Variants in TAFA1 observed in about 807,000 individuals in gnomAD.
The protein encoded by TAFA1 is TAFA chemokine like family member 1, also known as chemokine-like protein TAFA-1.
A neutral mutation model predicts 18.5 loss-of-function variants in TAFA1; 4 were observed. That is an observed-to-expected ratio of 0.22 (90% confidence interval 0.11 to 0.49). TAFA1 has a LOEUF of 0.49. TAFA1 is among the 20% of genes least tolerant of loss of function. TAFA1 has a pLI of 0.98. For synonymous variants in TAFA1, 56 were observed against 55.2 expected (o/e 1.01, Z -0.06); for missense variants, 147 against 169.0 (o/e 0.87, Z 0.72).
intron 2 of TAFA1, among the ~76,000 whole-genome samples, chr3:68,333,923 A>T (rs890892779): frequency 2.6e-5 from 4 of 152,322 alleles, no homozygotes; most frequent in African/African-American, 7.2e-5. Flanking sequence ...ATATTGTGTG[A>T]TTTCACTTAC....
chr3:68,046,128 T>A (rs1327836486), intron 2 of TAFA1, among the ~76,000 whole-genome samples: 1 of 152,210 alleles, frequency 6.6e-6, no homozygotes, highest in East Asian at 1.9e-4. Flanking sequence ...TACTTACTTT[T>A]GCAACTGCAG....
intron 2 of TAFA1, among the ~76,000 whole-genome samples, chr3:68,120,959 A>G (rs1305678077): frequency 6.6e-6 from 1 of 152,212 alleles, no homozygotes; most frequent in Non-Finnish European, 1.5e-5. Context: ...AAGACCATTT[A>G]AGAACTTCAT....
chr3:68,369,441 C>G (rs2069636567), intron 2 of TAFA1, among the ~76,000 whole-genome samples: 1 of 152,124 alleles, frequency 6.6e-6, no homozygotes, highest in African/African-American at 2.4e-5. Context: ...GCAAAGAAAT[C>G]AGGCCTACAA....
chr3:68,191,993 T>A (rs1477978581), intron 2 of TAFA1, among the ~76,000 whole-genome samples: 1 of 151,850 alleles, frequency 6.6e-6, no homozygotes, highest in East Asian at 1.9e-4. Context: ...GATCTCTTTC[T>A]ATATTCTTGG....
chr3:68,515,413 T>G (rs1175434499), intron 3 of TAFA1, among the ~76,000 whole-genome samples: 1 of 152,270 alleles, frequency 6.6e-6, no homozygotes, highest in African/African-American at 2.4e-5. Context: ...AGATGGATGA[T>G]CTGATTGGAC....
At chr3:68,142,529 T>G (rs1331482319) in intron 2 of TAFA1, among the ~76,000 whole-genome samples, 1 of 152,184 alleles carries the variant, frequency 6.6e-6, no homozygotes, top group Non-Finnish European at 1.5e-5. Flanking sequence ...GTGGGAAGCC[T>G]TTCTCCAGGT....
At chr3:68,087,308 T>C (rs890024522) in intron 2 of TAFA1, among the ~76,000 whole-genome samples, 1 of 152,184 alleles carries the variant, frequency 6.6e-6, no homozygotes, top group African/African-American at 2.4e-5. Context: ...AGATAATTAC[T>C]ATCAATATTT....
intron 2 of TAFA1, among the ~76,000 whole-genome samples, chr3:68,263,435 C>CCACACACACACACACACA (rs1273459888): frequency 6.9e-5 from 6 of 86,586 alleles, no homozygotes; most frequent in African/African-American, 2.3e-4. Context: ...GATACTTTAA[C>CCACACACACACACACACA]CACACACACA....
chr3:68,117,105 T>C (rs1286672717), intron 2 of TAFA1, among the ~76,000 whole-genome samples: 1 of 152,212 alleles, frequency 6.6e-6, no homozygotes, highest in Admixed American at 6.5e-5. Flanking sequence ...TTTGCGCAAA[T>C]AAGTTTCTTT....
chr3:68,540,992 T>G (rs1025646096), intron 4 of TAFA1, among the ~76,000 whole-genome samples: 1 of 152,092 alleles, frequency 6.6e-6, no homozygotes, highest in African/African-American at 2.4e-5. Context: ...CCTCCCTGGG[T>G]GGGCTGAATT....
chr3:68,172,023 A>G (rs566874770), intron 2 of TAFA1, among the ~76,000 whole-genome samples: 1 of 152,266 alleles, frequency 6.6e-6, no homozygotes, highest in Non-Finnish European at 1.5e-5. Context: ...GAAGAGAGAG[A>G]AAGGGGAAGA....
intron 2 of TAFA1, among the ~76,000 whole-genome samples, chr3:68,303,337 G>A (rs1259603195): frequency 2.0e-5 from 3 of 152,148 alleles, no homozygotes; most frequent in Non-Finnish European, 2.9e-5. Context: ...CAAAGGAGGA[G>A]CTTTTGGTTG....
chr3:68,182,714 A>T (rs1575665517), intron 2 of TAFA1, among the ~76,000 whole-genome samples: 1 of 152,186 alleles, frequency 6.6e-6, no homozygotes, highest in Non-Finnish European at 1.5e-5. Context: ...ACAGCCCTTA[A>T]GTCATTTCTG....
At chr3:68,104,361 A>G (rs1353860604) in intron 2 of TAFA1, among the ~76,000 whole-genome samples, 1 of 152,088 alleles carries the variant, frequency 6.6e-6, no homozygotes, top group Non-Finnish European at 1.5e-5. Flanking sequence ...TTAAATGTGG[A>G]AAATATATGT....
At chr3:68,535,047 T>C (rs2073254339) in intron 3 of TAFA1, among the ~76,000 whole-genome samples, 1 of 152,182 alleles carries the variant, frequency 6.6e-6, no homozygotes, top group Admixed American at 6.6e-5. Context: ...TGGTTTAGAT[T>C]CAGGGCAACA....
At chr3:68,405,888 C>A (rs552221233) in intron 2 of TAFA1, among the ~76,000 whole-genome samples, 1 of 152,018 alleles carries the variant, frequency 6.6e-6, no homozygotes, top group African/African-American at 2.4e-5. Flanking sequence ...ACCCTTTCAT[C>A]CTCCTCCAGT....
chr3:68,347,892 T>G (rs1188802281), intron 2 of TAFA1, among the ~76,000 whole-genome samples: 1 of 152,210 alleles, frequency 6.6e-6, no homozygotes, highest in South Asian at 2.1e-4. Context: ...TCTTTTCTCC[T>G]ACTGGATTCT....
intron 3 of TAFA1, among the ~76,000 whole-genome samples, chr3:68,428,544 T>A (rs963784094): frequency 6.6e-6 from 1 of 151,842 alleles, no homozygotes; most frequent in Non-Finnish European, 1.5e-5. Flanking sequence ...GGAAATCTTA[T>A]GCACCAACTC....
At chr3:68,134,599 G>A (rs575509620) in intron 2 of TAFA1, among the ~76,000 whole-genome samples, 5 of 152,248 alleles carry the variant, frequency 3.3e-5, no homozygotes, top group African/African-American at 1.2e-4. Context: ...GAATATTTAA[G>A]TTGGGTTTAG....
Sources: gnomAD v4.1 joint callset for allele counts (sites outside exome capture counted in the v4.1 genomes callset) on GRCh38, gnomAD v4.1.1 for gene constraint, MANE v1.5 for transcripts, NCBI Gene and HGNC (gene_info 2026-07-23, HGNC 2026-07-21) for gene names.